The following FARS2 variants were observed in gnomAD, a reference collection of about 807,000 sequenced individuals.
FARS2 encodes phenylalanine--tRNA ligase, mitochondrial.
Under a neutral mutation model 46.4 loss-of-function variants are expected in FARS2, and 40 were observed. That is an observed-to-expected ratio of 0.86 (90% CI 0.67 to 1.12). The LOEUF is 1.12. FARS2 is among the 50% of genes most tolerant of loss of function. The pLI, the probability that FARS2 is intolerant of heterozygous loss-of-function variation, is 0.00. For synonymous variants in FARS2, 234 were observed against 214.9 expected (o/e 1.09, Z -0.78); for missense variants, 513 against 567.9 (o/e 0.90, Z 0.98).
At chr6:5,278,163 A>G (rs1245107208) in intron 1 of FARS2, among the ~76,000 whole-genome samples, 4 of 152,186 alleles carry the variant, frequency 2.6e-5, no homozygotes, top group African/African-American at 9.7e-5. Context: ...CTCTGGCTGT[A>G]CCCTAGCTTG....
At chr6:5,366,942 T>C (rs1758720398) in intron 1 of FARS2, among the ~76,000 whole-genome samples, 1 of 152,168 alleles carries the variant, frequency 6.6e-6, no homozygotes, top group African/African-American at 2.4e-5. Flanking sequence ...GGGAAGACAT[T>C]TCAGTTGAAG....
chr6:5,741,054 T>C (rs1438027897), intron 6 of FARS2, among the ~76,000 whole-genome samples: 1 of 152,192 alleles, frequency 6.6e-6, no homozygotes, highest in Non-Finnish European at 1.5e-5. Flanking sequence ...AGGGCCTCTC[T>C]GGAAATGCCT....
intron 4 of FARS2, among the ~76,000 whole-genome samples, chr6:5,480,593 C>T (rs1051655001): frequency 1.3e-5 from 2 of 152,184 alleles, no homozygotes; most frequent in Admixed American, 6.5e-5. Context: ...TTTGGATAAA[C>T]TCTTTGAGGT....
At chr6:5,757,717 G>T (rs543701097) in intron 6 of FARS2, among the ~76,000 whole-genome samples, 5 of 152,314 alleles carry the variant, frequency 3.3e-5, no homozygotes, top group African/African-American at 9.6e-5. Flanking sequence ...TAATATTTGG[G>T]TGCATCTCTG....
intron 2 of FARS2, among the ~76,000 whole-genome samples, chr6:5,397,873 C>CATGA (rs1471147881): frequency 2.6e-5 from 4 of 152,096 alleles, no homozygotes; most frequent in Non-Finnish European, 5.9e-5. Flanking sequence ...CTTTCTTTAT[C>CATGA]ATGACTTTGA....
intron 3 of FARS2, among the ~76,000 whole-genome samples, chr6:5,421,438 A>T (rs773878688): frequency 6.6e-6 from 1 of 151,990 alleles, no homozygotes; most frequent in African/African-American, 2.4e-5. Flanking sequence ...ATTAACTTTC[A>T]CCTTCTTGTT....
chr6:5,538,593 A>G (rs1338278434), intron 4 of FARS2, among the ~76,000 whole-genome samples: 1 of 152,128 alleles, frequency 6.6e-6, no homozygotes, highest in Non-Finnish European at 1.5e-5. Context: ...TGTTCCCAAG[A>G]TCCGAAGTCA....
chr6:5,743,451 T>C (rs1331431967), intron 6 of FARS2, among the ~76,000 whole-genome samples: 1 of 152,200 alleles, frequency 6.6e-6, no homozygotes, highest in African/African-American at 2.4e-5. Context: ...GTGTTTGTAT[T>C]GATTTACAGG....
At chr6:5,544,200 C>T (rs1340233267) in intron 4 of FARS2, among the ~76,000 whole-genome samples, 5 of 152,212 alleles carry the variant, frequency 3.3e-5, no homozygotes, top group African/African-American at 7.2e-5. Context: ...CATGTGGCCT[C>T]TTCACAGCCA....
chr6:5,745,981 A>G (rs796094892), intron 6 of FARS2, among the ~76,000 whole-genome samples: 6 of 152,218 alleles, frequency 3.9e-5, no homozygotes, highest in African/African-American at 1.4e-4. Context: ...CAAGCCTCCA[A>G]CTGCATGCCT....
chr6:5,685,035 C>G (rs773741262), intron 6 of FARS2, among the ~76,000 whole-genome samples: 8 of 152,066 alleles, frequency 5.3e-5, no homozygotes, highest in Non-Finnish European at 1.2e-4. Flanking sequence ...CCCTAAACAC[C>G]GTGGAACCCA....
intron 1 of FARS2, among the ~76,000 whole-genome samples, chr6:5,297,427 C>T (rs1473094967): frequency 2.0e-5 from 3 of 152,202 alleles, no homozygotes; most frequent in African/African-American, 4.8e-5. Flanking sequence ...GCGGGTGGAT[C>T]ACTTAAGGTC....
intron 1 of FARS2, among the ~76,000 whole-genome samples, chr6:5,319,557 C>T (rs1769817363): frequency 6.6e-6 from 1 of 152,222 alleles, no homozygotes; most frequent in African/African-American, 2.4e-5. Context: ...TGAGACAGTG[C>T]TGATGGATCT....
At chr6:5,359,652 A>G (rs955815666) in intron 1 of FARS2, among the ~76,000 whole-genome samples, 3 of 152,242 alleles carry the variant, frequency 2.0e-5, no homozygotes, top group Non-Finnish European at 2.9e-5. Flanking sequence ...TGTGGAAGCC[A>G]TGTGCCCCGG....
At chr6:5,505,749 A>T (rs1418391192) in intron 4 of FARS2, among the ~76,000 whole-genome samples, 3 of 152,210 alleles carry the variant, frequency 2.0e-5, no homozygotes. Flanking sequence ...TGAGGAGCAG[A>T]GGTAGCCAGT....
chr6:5,738,773 A>AG (rs1554130783), intron 6 of FARS2, among the ~76,000 whole-genome samples: 4,432 of 88,284 alleles, frequency 0.05, 150 homozygotes, highest in African/African-American at 0.2. Context: ...CCATACATTT[A>AG]GAAAAAAAAA....
chr6:5,473,390 G>T (rs1429304573), intron 4 of FARS2, among the ~76,000 whole-genome samples: 1 of 152,098 alleles, frequency 6.6e-6, no homozygotes, highest in Non-Finnish European at 1.5e-5. Flanking sequence ...AGCCGGGAAT[G>T]GTGGCGTGTG....
chr6:5,578,823 A>AC (rs1773152754), intron 5 of FARS2, among the ~76,000 whole-genome samples: 7 of 44,954 alleles, frequency 1.6e-4, no homozygotes, highest in African/African-American at 3.8e-4. Flanking sequence ...AAAAAAAAAA[A>AC]AAAAAAAAAA....
chr6:5,453,042 A>T (rs1357042071), intron 4 of FARS2, among the ~76,000 whole-genome samples: 2 of 151,950 alleles, frequency 1.3e-5, no homozygotes, highest in East Asian at 3.9e-4. Context: ...AATCAGCTTA[A>T]CTGAGGATTA....
Sources: gnomAD v4.1 joint callset for allele counts (sites outside exome capture counted in the v4.1 genomes callset) on GRCh38, gnomAD v4.1.1 for gene constraint, MANE v1.5 for transcripts, NCBI Gene and HGNC (gene_info 2026-07-23, HGNC 2026-07-21) for gene names.